The following XKR5 variants were observed in gnomAD, a reference collection of about 807,000 sequenced individuals.
The protein encoded by XKR5 is XK-related protein 5.
Under a neutral mutation model 40.8 loss-of-function variants are expected in XKR5, and 46 were observed. The observed-to-expected ratio is 1.13, with a 90% CI of 0.89 to 1.44. XKR5 has a LOEUF of 1.44. XKR5 is among the 40% of genes most tolerant of loss of function. The pLI, the probability that XKR5 is intolerant of heterozygous loss-of-function variation, is 0.00. For missense variants in XKR5, 1,169 were observed against 844.7 expected, an observed-to-expected ratio of 1.38 and a Z score of -4.76; for synonymous variants, 466 against 356.1, an observed-to-expected ratio of 1.31 and a Z score of -3.48.
chr8:6,833,843 A>G (rs1322739440), intron 1 of XKR5, among the ~76,000 whole-genome samples: 1 of 152,248 alleles, frequency 6.6e-6, no homozygotes, highest in Non-Finnish European at 1.5e-5. Context: ...TGACATTGTC[A>G]GGGCTTTCCA....
At chr8:6,813,946 A>C (rs1331959450) in intron 6 of XKR5, among the ~76,000 whole-genome samples, 1 of 152,148 alleles carries the variant, frequency 6.6e-6, no homozygotes, top group Non-Finnish European at 1.5e-5. Context: ...TTTCCCTCCC[A>C]CCACACTGCC....
chr8:6,811,184 C>T lies in XKR5; in HGVS notation c.*14G>A. The T allele has an allele frequency of 1.3e-6, 2 of 1,528,572 alleles. No individual in the cohort carries two copies. Among genetic ancestry groups the T allele is most frequent in the Non-Finnish European group, 1.8e-6 (2 of 1,141,376 alleles). The allele number at this position is 1,528,572 out of a possible 1,614,324, so 94.7% of individuals were successfully genotyped here. A position where few individuals can be genotyped will look rare whatever the true frequency, so the allele number is the denominator to read the frequency against. ...GGTTTGTCAGCCTGTTGTCTTATCC[C>T]ACCATGACTGTGGTCAGATGAAAAA... On this transcript the variant is annotated 3_prime_UTR_variant, in exon 7 of 7. Transcript: ENST00000618742.
At position 6,832,912 on chromosome 8, in the gene XKR5, G is replaced by A. The variant is rs756480410; in HGVS notation, c.59-12C>T. 2 of 1,548,106 alleles carry A rather than the reference G, an allele frequency of 1.3e-6. No individual in the cohort carries two copies. Among genetic ancestry groups the A allele is most frequent in the African/African-American group, 1.4e-5 (1 of 71,538 alleles). ...CACGGTGTAAAGGCCTGGGTGAGAA[G>A]GGGAAAGGCAAGCAGGTTGTTGGAA... On this transcript the variant is annotated splice_polypyrimidine_tract_variant and intron_variant, in intron 1 of 6. Coordinates refer to ENST00000618742, the MANE Select transcript of XKR5 (RefSeq NM_207411.5).
In XKR5 at chr8:6,810,953, C is replaced by G. The variant is rs982383678; in HGVS notation, c.*245G>C. ...GGTAGCAGACAATTTTGACTGGAATCTCTTTCTCCTCCTCTAAAGTATGTT... is the reference window on the plus strand; with the variant it reads ...GGTAGCAGACAATTTTGACTGGAATGTCTTTCTCCTCCTCTAAAGTATGTT... On this transcript the variant is annotated 3_prime_UTR_variant, in exon 7 of 7. Transcript: ENST00000618742. The G allele has an allele frequency of 2.8e-6, 1 of 361,988 alleles. No individual in the cohort carries two copies. The highest frequency in any genetic ancestry group is 4.9e-6 in the Non-Finnish European group (1 of 202,532). The allele number at this position is 361,988 out of a possible 1,614,324, so 22.4% of individuals were successfully genotyped here.
At chr8:6,823,217 T>C (rs1804317415) in intron 4 of XKR5, among the ~76,000 whole-genome samples, 1 of 152,208 alleles carries the variant, frequency 6.6e-6, no homozygotes, top group Non-Finnish European at 1.5e-5. Context: ...TTGCTTTGAC[T>C]GGCAGAATAC....
intron 1 of XKR5, 107 bp downstream of exon 1, chr8:6,835,329 A>T (rs1804964381): frequency 8.6e-7 from 1 of 1,163,348 alleles, no homozygotes; most frequent in African/African-American, 1.6e-5. Context: ...TGCTGGGCGC[A>T]GGCTGGGGCA....
At chr8:6,817,510 C>T (rs531896030) in intron 5 of XKR5, among the ~76,000 whole-genome samples, 2 of 152,216 alleles carry the variant, frequency 1.3e-5, no homozygotes, top group African/African-American at 2.4e-5. Flanking sequence ...CCTCCCCACA[C>T]CGAGAGACTT....
At chr8:6,813,853 C>G (rs1449470343) in intron 6 of XKR5, among the ~76,000 whole-genome samples, 1 of 152,196 alleles carries the variant, frequency 6.6e-6, no homozygotes, top group Non-Finnish European at 1.5e-5. Context: ...CATCCACTCT[C>G]AGGAGTGTGA....
intron 2 of XKR5, 131 bp from the exon 3 acceptor site, chr8:6,825,480 G>A (rs1441603639): frequency 2.5e-6 from 2 of 801,906 alleles, no homozygotes; most frequent in African/African-American, 3.6e-5. Flanking sequence ...AGAGTTACTA[G>A]TTAGGCTGTT....
intron 2 of XKR5, among the ~76,000 whole-genome samples, chr8:6,828,424 G>A (rs1323660214): frequency 6.6e-6 from 1 of 152,206 alleles, no homozygotes; most frequent in Non-Finnish European, 1.5e-5. Flanking sequence ...AGGCTGAGTT[G>A]TGGGGCTACT....
chr8:6,811,372 C>A lies in XKR5; in HGVS notation c.1887G>T (p.Pro629=), dbSNP rs552537442. The A allele has an allele frequency of 1.3e-6, 2 of 1,537,354 alleles. No homozygotes were observed. The highest frequency in any genetic ancestry group is 8.7e-7 in the Non-Finnish European group (1 of 1,146,934). ...GACTTAGCTCCCTTTTGGGCTCCAG[C>A]GGCTCCTCTAGCTCTGAGATACTGA... ...RTLSISELEE[P]LEPKRELSHH... Residue 629 remains proline, a synonymous_variant, in exon 7 of 7, where the codon CCG becomes CCT. Transcript: ENST00000618742.
rs765161508 is a variant in XKR5, at chr8:6,825,149, G to C, written c.427+16C>G. On this transcript the variant is annotated intron_variant, in intron 3 of 6. Coordinates refer to ENST00000618742, the MANE Select transcript of XKR5 (RefSeq NM_207411.5). ...GGCAGTCAGACAGTCTGTGCTCTGT[G>C]GTGACAGTTACTCACCTGGCACAAT... 6.2e-7 allele frequency: 1 copy of C among 1,613,170 alleles called. No homozygotes were observed. Among genetic ancestry groups the C allele is most frequent in the Non-Finnish European group, 8.5e-7 (1 of 1,179,524 alleles).
In XKR5 at chr8:6,811,103, A is replaced by G. The variant is rs1803656032; in HGVS notation, c.*95T>C. 3 of 1,220,742 alleles carry G rather than the reference A, an allele frequency of 2.5e-6. No individual in the cohort carries two copies. Among genetic ancestry groups the G allele is most frequent in the Middle Eastern group, 2.6e-4 (1 of 3,814 alleles). 75.6% of individuals were successfully genotyped at this position (1,220,742 alleles called of 1,614,324 possible). ...TTCAGAGGTGACAGTGATGTGCCCAAGGACACAGGTGTCAGAAGTGGGATT... is the reference window on the plus strand; with the variant it reads ...TTCAGAGGTGACAGTGATGTGCCCAGGGACACAGGTGTCAGAAGTGGGATT... On this transcript the variant is annotated 3_prime_UTR_variant, in exon 7 of 7. Transcript: ENST00000618742.
intron 4 of XKR5, among the ~76,000 whole-genome samples, 153 bp from the exon 5 acceptor site, chr8:6,822,191 C>A (rs1804272461): frequency 6.6e-6 from 1 of 152,174 alleles, no homozygotes; most frequent in Admixed American, 6.5e-5. Context: ...TTGAGGGGGA[C>A]AGAAAACCAA....
intron 5 of XKR5, among the ~76,000 whole-genome samples, chr8:6,819,974 T>G (rs1042738155): frequency 2.6e-5 from 4 of 151,900 alleles, no homozygotes; most frequent in African/African-American, 9.7e-5. Flanking sequence ...TCAGAGCATC[T>G]ACATCTATCT....
rs1397231706 is a variant in XKR5, at chr8:6,811,583, C to A, written c.1676G>T (p.Ser559Ile). 1.3e-6 allele frequency: 2 copies of A among 1,537,250 alleles called. No individual in the cohort carries two copies. The highest frequency in any genetic ancestry group is 2.4e-5 in the South Asian group (2 of 84,040). Residue 559 changes from serine (S) to isoleucine (I), a missense_variant, in exon 7 of 7, where the codon AGC (serine) becomes ATC (isoleucine). Coordinates refer to ENST00000618742, the MANE Select transcript of XKR5 (RefSeq NM_207411.5). ...EVATSSQQEG[S>I]PATLQTAHSG... is the part of the protein sequence containing the mutation. ...GTGGGCCGTTTGCAGAGTAGCTGGG[C>A]TGCCTTCTTGTTGTGAGGATGTGGC...
chr8:6,814,028 C>T (rs146903909), intron 6 of XKR5, among the ~76,000 whole-genome samples: 12 of 152,288 alleles, frequency 7.9e-5, no homozygotes, highest in Middle Eastern at 3.4e-3. Flanking sequence ...GCCGGCAAGG[C>T]CCCTTCATTC....
chr8:6,827,146 C>A (rs964368064), intron 2 of XKR5, among the ~76,000 whole-genome samples: 1 of 152,154 alleles, frequency 6.6e-6, no homozygotes. Flanking sequence ...TCTCAGGCTT[C>A]GAGTCTCACC....
Position 6,823,580 on chromosome 8 carries a change from C to T in XKR5, c.578G>A (p.Arg193His), listed in dbSNP as rs74948931. ...QLWRMGMLGT[R>H]VLSLVLFYKA... is the part of the protein sequence containing the mutation. ...GTAGAACAGAACCAGACTCAGCACG[C>T]GGGTTCCCAACATGCCCATCCTCCA... Residue 193 changes from arginine (R) to histidine (H), a missense_variant, in exon 4 of 7, where the codon CGC becomes CAC. Physicochemically the swap from Arg to His is conservative, Grantham distance 29 (BLOSUM62 0). Transcript: ENST00000618742. 9.9e-5 allele frequency: 158 copies of T among 1,596,782 alleles called. No homozygotes were observed. In the East Asian group the frequency reaches 1.4e-3, roughly 14 times the overall value.
Sources: gnomAD v4.1 joint callset for allele counts (sites outside exome capture counted in the v4.1 genomes callset) on GRCh38, gnomAD v4.1.1 for gene constraint, MANE v1.5 for transcripts, NCBI Gene and HGNC (gene_info 2026-07-23, HGNC 2026-07-21) for gene names.